Variants in TAF4B observed in about 807,000 individuals in gnomAD.
TAF4B encodes the protein transcription initiation factor TFIID subunit 4B.
A neutral mutation model predicts 86.4 loss-of-function variants in TAF4B; 38 were observed. The observed-to-expected ratio is 0.44, with a 90% CI of 0.34 to 0.58. The LOEUF is 0.58. Ranked by LOEUF, TAF4B falls within the 20% of genes least tolerant of loss-of-function variation. The pLI, the probability that TAF4B is intolerant of heterozygous loss-of-function variation, is 0.02. For synonymous variants in TAF4B, 388 were observed against 391.2 expected (o/e 0.99, Z 0.10); for missense variants, 988 against 1,027.6 (o/e 0.96, Z 0.53).
intron 9 of TAF4B, among the ~76,000 whole-genome samples, chr18:26,303,797 C>T (rs983901731): frequency 3.3e-5 from 5 of 152,036 alleles, no homozygotes; most frequent in African/African-American, 4.8e-5. Flanking sequence ...TTTGAATTGG[C>T]GTGGCCTGAG....
chr18:26,227,028 C>G lies in TAF4B; in HGVS notation c.95C>G (p.Pro32Arg), dbSNP rs1475382189. 1 of 1,496,644 alleles carries G rather than the reference C, an allele frequency of 6.7e-7. No individual in the cohort carries two copies. Among genetic ancestry groups the G allele is most frequent in the Non-Finnish European group, 8.8e-7 (1 of 1,137,106 alleles). The allele number at this position is 1,496,644 out of a possible 1,614,324, so 92.7% of individuals were successfully genotyped here. A position where few individuals can be genotyped will look rare whatever the true frequency, so the allele number is the denominator to read the frequency against. ...ACCATGGCCCCGGCCGGGGCGCTGC[C>G]GGTGCGGGTGGAGAGCACTCCGGTG... ...TVTMAPAGALPVRVESTPVAL... is the reference protein window; with the variant it reads ...TVTMAPAGALRVRVESTPVAL... The change falls in exon 1 of 15, where the codon CCG (proline) becomes CGG (arginine). Residue 32 changes from proline to arginine, a missense_variant. Transcript: ENST00000269142.
At chr18:26,336,542 CTT>C (rs1209486637) in intron 13 of TAF4B, among the ~76,000 whole-genome samples, 1 of 151,832 alleles carries the variant, frequency 6.6e-6, no homozygotes, top group Non-Finnish European at 1.5e-5. Flanking sequence ...AGGGAGAACA[CTT>C]TAAAAAAAAA....
intron 3 of TAF4B, 137 bp downstream of exon 3, chr18:26,267,760 AAACTGGG>A (rs545718449): frequency 1.9e-5 from 12 of 616,350 alleles, no homozygotes; most frequent in Non-Finnish European, 3.2e-5. Flanking sequence ...GGCACTTATC[AAACTGGG>A]AACTGTTGGA....
intron 9 of TAF4B, 83 bp from the exon 10 acceptor site, chr18:26,315,141 TCTCTG>T (rs1568147940): frequency 1.4e-4 from 47 of 340,742 alleles, no homozygotes; most frequent in Non-Finnish European, 1.7e-4. Context: ...TCTCTCTCTC[TCTCTG>T]TCTCTCTCTC....
chr18:26,367,832 T>C (rs1363438562), intron 14 of TAF4B, among the ~76,000 whole-genome samples: 1 of 152,242 alleles, frequency 6.6e-6, no homozygotes, highest in African/African-American at 2.4e-5. Flanking sequence ...AGTGGAACTT[T>C]TGGGTCCATG....
At chr18:26,342,944 C>G (rs943175753) in intron 13 of TAF4B, among the ~76,000 whole-genome samples, 6 of 152,192 alleles carry the variant, frequency 3.9e-5, no homozygotes, top group African/African-American at 1.4e-4. Flanking sequence ...AACCAATTGT[C>G]AGAATTCTGG....
intron 1 of TAF4B, among the ~76,000 whole-genome samples, chr18:26,247,169 C>G (rs1261244634): frequency 6.6e-6 from 1 of 152,130 alleles, no homozygotes; most frequent in African/African-American, 2.4e-5. Flanking sequence ...CTGTCCTAAT[C>G]TCATTCTTAA....
chr18:26,266,537 C>T (rs913347097), intron 2 of TAF4B, among the ~76,000 whole-genome samples: 2 of 152,152 alleles, frequency 1.3e-5, no homozygotes, highest in African/African-American at 2.4e-5. Flanking sequence ...TTCTAGATAA[C>T]TGAAGCTTAC....
chr18:26,226,782 C>T lies in TAF4B; in HGVS notation c.-152C>T. On this transcript the variant is annotated 5_prime_UTR_variant, in exon 1 of 15. Transcript: ENST00000269142. ...GCGTGTCCTGCCGTGCAGCGGGCGCCCGTCACTGACTTCGCTGCTGCGGCC... is the reference window on the plus strand; with the variant it reads ...GCGTGTCCTGCCGTGCAGCGGGCGCTCGTCACTGACTTCGCTGCTGCGGCC... The T allele has an allele frequency of 1.8e-6, 1 of 552,824 alleles. No individual in the cohort carries two copies. The highest frequency in any genetic ancestry group is 2.9e-6 in the Non-Finnish European group (1 of 349,908). 34.2% of individuals were successfully genotyped at this position (552,824 alleles called of 1,614,324 possible).
At chr18:26,330,815 ATAT>A (rs1399146828) in intron 12 of TAF4B, among the ~76,000 whole-genome samples, 1 of 152,174 alleles carries the variant, frequency 6.6e-6, no homozygotes, top group African/African-American at 2.4e-5. Flanking sequence ...TATCCTTGAT[ATAT>A]TTAACTTATG....
intron 13 of TAF4B, among the ~76,000 whole-genome samples, chr18:26,349,517 AG>A (rs2057227350): frequency 6.6e-6 from 1 of 152,210 alleles, no homozygotes; most frequent in Non-Finnish European, 1.5e-5. Flanking sequence ...GAACTCTGCA[AG>A]GAAAATTATA....
At chr18:26,298,740 T>C (rs62085377) in intron 9 of TAF4B, among the ~76,000 whole-genome samples, 17,031 of 151,710 alleles carry the variant, frequency 0.11, 983 homozygotes, top group African/African-American at 0.14. Flanking sequence ...GACAGGGATT[T>C]CACTATGTTT....
chr18:26,379,690 T>C lies in TAF4B; in HGVS notation c.2422-10155T>C, dbSNP rs558791198. ...ATTCTGTGTCCTTTGTATCTTCATA[T>C]GAATTTTTAGAATCATCTTGTCATT... is the stretch of plus-strand genomic sequence containing the variant. On this transcript the variant is annotated intron_variant, in intron 14 of 14. Transcript: ENST00000269142. Among the ~76,000 whole-genome samples, 20 of 152,232 alleles carry C rather than the reference T, an allele frequency of 1.3e-4. No individual in the cohort carries two copies. In the East Asian group the frequency reaches 3.7e-3, roughly 28 times the overall value.
At chr18:26,357,157 C>G (rs914689680) in intron 13 of TAF4B, among the ~76,000 whole-genome samples, 1 of 152,052 alleles carries the variant, frequency 6.6e-6, no homozygotes, top group Non-Finnish European at 1.5e-5. Flanking sequence ...TTGCCCTAAC[C>G]TCTTAGAGCC....
At chr18:26,332,744 G>A (rs1281874345) in intron 12 of TAF4B, among the ~76,000 whole-genome samples, 1 of 152,190 alleles carries the variant, frequency 6.6e-6, no homozygotes, top group Admixed American at 6.5e-5. Context: ...TGGCCAGGGT[G>A]GTCTCGAACT....
Position 26,390,958 on chromosome 18 carries a change from T to C in TAF4B, c.*946T>C, listed in dbSNP as rs1416517887. 3 of 152,250 alleles carry C rather than the reference T, an allele frequency of 2.0e-5. No individual in the cohort carries two copies. Among genetic ancestry groups the C allele is most frequent in the Non-Finnish European group, 4.4e-5 (3 of 68,042 alleles). The allele number at this position is 152,250 out of a possible 1,614,324, so 9.4% of individuals were successfully genotyped here. On this transcript the variant is annotated 3_prime_UTR_variant, in exon 15 of 15. Transcript: ENST00000269142. Reference sequence around the variant, plus strand: ...ATGTTATTTTTTGTTTTGTATTGTTTTAAATCCCAAGGATAGTTTTTATAG... The same window carrying C: ...ATGTTATTTTTTGTTTTGTATTGTTCTAAATCCCAAGGATAGTTTTTATAG...
At chr18:26,285,760 C>T (rs1290265327) in intron 6 of TAF4B, 122 bp from the exon 7 acceptor site, 4 of 1,220,166 alleles carry the variant, frequency 3.3e-6, no homozygotes, top group Non-Finnish European at 4.6e-6. Flanking sequence ...AAGCTGTCTT[C>T]AACTGAAATA....
At chr18:26,242,184 G>T (rs964433020) in intron 1 of TAF4B, among the ~76,000 whole-genome samples, 7 of 152,244 alleles carry the variant, frequency 4.6e-5, no homozygotes, top group Admixed American at 3.9e-4. Context: ...TGACAGTGGG[G>T]TGTTAAAGTC....
chr18:26,327,950 A>G (rs954024796), intron 12 of TAF4B, among the ~76,000 whole-genome samples: 4 of 152,212 alleles, frequency 2.6e-5, no homozygotes, highest in Admixed American at 1.3e-4. Context: ...GTGTCACATG[A>G]GGTAAAAGCT....
Sources: gnomAD v4.1 joint callset for allele counts (sites outside exome capture counted in the v4.1 genomes callset) on GRCh38, gnomAD v4.1.1 for gene constraint, MANE v1.5 for transcripts, NCBI Gene and HGNC (gene_info 2026-07-23, HGNC 2026-07-21) for gene names.